Variants in LRRC38 observed in about 807,000 individuals in gnomAD.
LRRC38 encodes the protein leucine rich repeat containing 38.
A neutral mutation model predicts 16.4 loss-of-function variants in LRRC38; 5 were observed. That is an observed-to-expected ratio of 0.31 (90% CI 0.16 to 0.64). LRRC38 has a LOEUF of 0.64. Among genes scored for constraint, LRRC38 ranks in the 30% least tolerant of loss-of-function variants. LRRC38 has a pLI of 0.80. For synonymous variants in LRRC38, 191 were observed against 190.2 expected, an observed-to-expected ratio of 1.00 and a Z score of -0.04; for missense variants, 341 against 401.8, an observed-to-expected ratio of 0.85 and a Z score of 1.29.
intron 1 of LRRC38, among the ~76,000 whole-genome samples, chr1:13,485,083 T>C (rs1056203843): frequency 4.7e-5 from 7 of 148,418 alleles, no homozygotes; most frequent in South Asian, 4.3e-4. Context: ...TTCAAGACCA[T>C]CCTGACCAAC....
At chr1:13,507,613 C>T (rs548104108) in intron 1 of LRRC38, among the ~76,000 whole-genome samples, 4 of 152,274 alleles carry the variant, frequency 2.6e-5, no homozygotes, top group African/African-American at 7.2e-5. Flanking sequence ...GAGTGGATCA[C>T]CTGAGGTCAG....
At chr1:13,494,584 C>T (rs998894206) in intron 1 of LRRC38, among the ~76,000 whole-genome samples, 1 of 152,108 alleles carries the variant, frequency 6.6e-6, no homozygotes, top group South Asian at 2.1e-4. Context: ...TAAATAAAGG[C>T]ACTGAATTTA....
chr1:13,507,954 T>G (rs3013053), intron 1 of LRRC38, among the ~76,000 whole-genome samples: 98,748 of 151,550 alleles, frequency 0.65, 33,016 homozygotes, highest in Middle Eastern at 0.76. Flanking sequence ...CATAGACTTG[T>G]CTGGGCTCAG....
chr1:13,485,013 C>A (rs908386347), intron 1 of LRRC38, among the ~76,000 whole-genome samples: 1 of 152,180 alleles, frequency 6.6e-6, no homozygotes, highest in Non-Finnish European at 1.5e-5. Flanking sequence ...CACGGTGGCT[C>A]ACGCCTGTAA....
intron 1 of LRRC38, among the ~76,000 whole-genome samples, chr1:13,505,030 C>T (rs1393652537): frequency 1.3e-5 from 2 of 152,128 alleles, no homozygotes; most frequent in African/African-American, 4.8e-5. Context: ...GACACACCTG[C>T]ATCCTTAAGA....
intron 1 of LRRC38, among the ~76,000 whole-genome samples, chr1:13,499,264 A>T (rs896617470): frequency 6.6e-6 from 1 of 152,052 alleles, no homozygotes; most frequent in African/African-American, 2.4e-5. Context: ...AAACCCAGCT[A>T]ATTTTTGTAC....
chr1:13,502,130 G>A (rs539897785), intron 1 of LRRC38, among the ~76,000 whole-genome samples: 182 of 147,524 alleles, frequency 1.2e-3, no homozygotes, highest in African/African-American at 4.3e-3. Flanking sequence ...TAGTAGAGAC[G>A]GGGTTTCACC....
At chr1:13,503,376 C>T (rs888248007) in intron 1 of LRRC38, among the ~76,000 whole-genome samples, 1 of 152,172 alleles carries the variant, frequency 6.6e-6, no homozygotes, top group Non-Finnish European at 1.5e-5. Flanking sequence ...TCATGCCATT[C>T]TCCTGCCTCA....
rs188068014 is a variant in LRRC38 at position 13,481,181 on chromosome 1, G to A, written c.632-5082C>T. 4.0e-4 allele frequency among the ~76,000 whole-genome samples: 61 copies of A among 152,074 alleles called. 2 individuals carry two copies. Among genetic ancestry groups the A allele is most frequent in the African/African-American group, 1.3e-3 (54 of 41,474 alleles). On this transcript the variant is annotated intron_variant, in intron 1 of 1. Coordinates refer to ENST00000376085, the MANE Select transcript of LRRC38 (RefSeq NM_001010847.2). ...CTCTGGAGGGCAGTGGCGCGATCTCGACTCACCACAACCTCTGCTTCCTGG... is the reference window on the plus strand; with the variant it reads ...CTCTGGAGGGCAGTGGCGCGATCTCAACTCACCACAACCTCTGCTTCCTGG...
chr1:13,509,186 C>T (rs1411333347), intron 1 of LRRC38, among the ~76,000 whole-genome samples: 1 of 152,134 alleles, frequency 6.6e-6, no homozygotes, highest in Non-Finnish European at 1.5e-5. Flanking sequence ...GCCCTCCCTA[C>T]ACCTCCATGC....
chr1:13,481,392 TTTTTTTGTTC>T (rs1638853828), intron 1 of LRRC38, among the ~76,000 whole-genome samples: 1 of 119,270 alleles, frequency 8.4e-6, no homozygotes, highest in Non-Finnish European at 1.9e-5. Context: ...TTTATTTTTT[TTTTTTTGTTC>T]TTTTTTTGAG....
At chr1:13,486,802 G>A (rs1376235163) in intron 1 of LRRC38, among the ~76,000 whole-genome samples, 1 of 152,054 alleles carries the variant, frequency 6.6e-6, no homozygotes. Context: ...TGTTGCCCAG[G>A]CTGGTCTCGA....
At chr1:13,496,388 G>A (rs1639080990) in intron 1 of LRRC38, among the ~76,000 whole-genome samples, 1 of 151,912 alleles carries the variant, frequency 6.6e-6, no homozygotes, top group East Asian at 1.9e-4. Context: ...TCCCAGGCTG[G>A]TCTCAAACTC....
rs144369290 is a variant in LRRC38 at position 13,480,694 on chromosome 1, G to A, written c.632-4595C>T. On this transcript the variant is annotated intron_variant, in intron 1 of 1. Coordinates refer to ENST00000376085, the MANE Select transcript of LRRC38 (RefSeq NM_001010847.2). ...GAAATGGGAGTTCACCTCTACATGC[G>A]CTCTTGCCTGCCACCGTGTAAGACG... Among the ~76,000 whole-genome samples the A allele has an allele frequency of 1.5e-3, 225 of 151,970 alleles. 2 individuals carry two copies. Among genetic ancestry groups the A allele is most frequent in the African/African-American group, 5.2e-3 (216 of 41,272 alleles).
intron 1 of LRRC38, among the ~76,000 whole-genome samples, chr1:13,507,597 C>T (rs887596533): frequency 4.6e-4 from 69 of 151,388 alleles, no homozygotes; most frequent in African/African-American, 1.6e-3. Context: ...TTTGCCAGGC[C>T]GAGGTGAGTG....
At chr1:13,506,702 G>C (rs1029588318) in intron 1 of LRRC38, among the ~76,000 whole-genome samples, 2 of 152,092 alleles carry the variant, frequency 1.3e-5, no homozygotes, top group Non-Finnish European at 2.9e-5. Context: ...CAGGTGATTC[G>C]CCCGCCTTGG....
rs139504700 is a variant in LRRC38, at chr1:13,506,398, A to G, written c.631+6565T>C. On this transcript the variant is annotated intron_variant, in intron 1 of 1. Coordinates refer to ENST00000376085, the MANE Select transcript of LRRC38 (RefSeq NM_001010847.2). ...TGACTCAGAACCACCAATGCTCCTG[A>G]CCCAGGGACTCACCACAACTCCCAG... Among the ~76,000 whole-genome samples, 203 of 152,216 alleles carry G rather than the reference A, an allele frequency of 1.3e-3. 4 individuals carry two copies. In the East Asian group the frequency reaches 0.03, roughly 22 times the overall value.
chr1:13,513,623 G>A lies in LRRC38; in HGVS notation c.-30C>T, dbSNP rs1639304035. ...GGGGGGCCCGCGCCGGCCGCGGCGAGAAGGAAGCGGCTCTCGGAGCGAGCC... is the reference window on the plus strand; with the variant it reads ...GGGGGGCCCGCGCCGGCCGCGGCGAAAAGGAAGCGGCTCTCGGAGCGAGCC... On this transcript the variant is annotated 5_prime_UTR_variant, in exon 1 of 2. Transcript: ENST00000376085. The A allele has an allele frequency of 9.5e-7, 1 of 1,058,082 alleles. No homozygotes were observed. The highest frequency in any genetic ancestry group is 1.1e-6 in the Non-Finnish European group (1 of 878,868). The allele number at this position is 1,058,082 out of a possible 1,614,324, so 65.5% of individuals were successfully genotyped here. A position where few individuals can be genotyped will look rare whatever the true frequency, so the allele number is the denominator to read the frequency against.
chr1:13,497,875 G>A (rs922314855), intron 1 of LRRC38, among the ~76,000 whole-genome samples: 1 of 146,366 alleles, frequency 6.8e-6, no homozygotes, highest in Non-Finnish European at 1.5e-5. Flanking sequence ...CAGGAGAATC[G>A]CTTGAACCCT....
Sources: allele counts gnomAD v4.1 joint callset (sites outside exome capture counted in the v4.1 genomes callset), GRCh38; gene constraint gnomAD v4.1.1; transcripts MANE v1.5; gene names NCBI Gene and HGNC (gene_info 2026-07-23, HGNC 2026-07-21).